Variants in NBPF11 observed in about 807,000 individuals in gnomAD.
NBPF11 encodes NBPF member 11.
A neutral mutation model predicts 93.9 loss-of-function variants in NBPF11; 72 were observed. The observed-to-expected ratio is 0.77, with a 90% CI of 0.63 to 0.93. NBPF11 has a LOEUF of 0.93. Among genes scored for constraint, NBPF11 ranks in the 40% least tolerant of loss-of-function variants. NBPF11 has a pLI of 0.00. For missense variants in NBPF11, 705 were observed against 802.2 expected (o/e 0.88, Z 1.46); for synonymous variants, 224 against 304.9 (o/e 0.73, Z 2.76).
At position 148,118,639 on chromosome 1, in the gene NBPF11, T is replaced by C; in HGVS notation, c.1072A>G (p.Lys358Glu). The change falls in exon 11 of 24, where the codon AAG (lysine) becomes GAG (glutamate). Residue 358 changes from lysine to glutamate, a missense_variant. Coordinates refer to ENST00000682118, the MANE Select transcript of NBPF11 (RefSeq NM_001385469.3). ...CCTCACCTGAGCTCCTCAGCTTGCTTCAGCTGCTCTGCAAGCTTCTCCTCC... is the reference window on the plus strand; with the variant it reads ...CCTCACCTGAGCTCCTCAGCTTGCTCCAGCTGCTCTGCAAGCTTCTCCTCC... Reference protein sequence around the residue: ...FKEEKLAEQLKQAEELRQYKV... With the variant: ...FKEEKLAEQLEQAEELRQYKV... 1 of 1,612,810 alleles carries C rather than the reference T, an allele frequency of 6.2e-7. No homozygotes were observed.
At chr1:148,147,695 C>T (rs1279738929) in intron 1 of NBPF11, among the ~76,000 whole-genome samples, 1 of 151,940 alleles carries the variant, frequency 6.6e-6, no homozygotes, top group East Asian at 1.9e-4. Flanking sequence ...GAGGTGGGGT[C>T]GTCGTTGCCT....
intron 1 of NBPF11, among the ~76,000 whole-genome samples, chr1:148,150,937 C>T (rs1648149019): frequency 1.3e-5 from 2 of 151,812 alleles, no homozygotes; most frequent in African/African-American, 4.9e-5. Context: ...CTGTGTTAGC[C>T]AGGATGGTCT....
chr1:148,147,801 C>T (rs1673434557), intron 1 of NBPF11, among the ~76,000 whole-genome samples: 1 of 152,120 alleles, frequency 6.6e-6, no homozygotes, highest in Non-Finnish European at 1.5e-5. Context: ...GGGACGCTGA[C>T]ACCAATCACC....
At chr1:148,112,357 T>C (rs1235280777) in intron 15 of NBPF11, among the ~76,000 whole-genome samples, 5 of 132,470 alleles carry the variant, frequency 3.8e-5, no homozygotes, top group Non-Finnish European at 7.8e-5. Context: ...CCTGTGTCCA[T>C]GTGTTCTCAT....
chr1:148,105,745 C>CAA (rs1190644076), intron 21 of NBPF11, among the ~76,000 whole-genome samples: 2 of 97,028 alleles, frequency 2.1e-5, no homozygotes, highest in African/African-American at 1.3e-4. Context: ...CACACACACA[C>CAA]AAACACACAC....
chr1:148,151,231 G>A (rs1166155957), intron 1 of NBPF11, among the ~76,000 whole-genome samples: 118 of 152,086 alleles, frequency 7.8e-4, no homozygotes, highest in Non-Finnish European at 1.0e-3. Context: ...GTCATGAGAT[G>A]ATTCAGTGAT....
At chr1:148,122,897 G>A (rs587639920) in intron 7 of NBPF11, 96 bp from the exon 8 acceptor site, 1 of 1,600,278 alleles carries the variant, frequency 6.2e-7, no homozygotes, top group East Asian at 2.2e-5. Context: ...TCTATGTATG[G>A]TTCAGCATTG....
At position 148,103,167 on chromosome 1, in the gene NBPF11, G is replaced by C. The variant is rs1662692751; in HGVS notation, c.*729C>G. 5.0e-6 allele frequency: 1 copy of C among 198,678 alleles called. No homozygotes were observed. The highest frequency in any genetic ancestry group is 1.0e-5 in the Non-Finnish European group (1 of 97,658). 12.3% of individuals were successfully genotyped at this position (198,678 alleles called of 1,614,324 possible). Reference sequence around the variant, plus strand: ...AGCCTAGCGGGTTAACAATTGTCAAGAGCAGTTGGTGGTTCTGAAATACAA... The same window carrying C: ...AGCCTAGCGGGTTAACAATTGTCAACAGCAGTTGGTGGTTCTGAAATACAA... On this transcript the variant is annotated 3_prime_UTR_variant, in exon 24 of 24. Coordinates refer to ENST00000682118, the MANE Select transcript of NBPF11 (RefSeq NM_001385469.3).
At chr1:148,113,318 T>A (rs1211105890) in intron 15 of NBPF11, among the ~76,000 whole-genome samples, 1 of 151,806 alleles carries the variant, frequency 6.6e-6, no homozygotes, top group Non-Finnish European at 1.5e-5. Flanking sequence ...GGGGTTGCAA[T>A]CCTAGTCTCT....
At position 148,126,969 on chromosome 1, in the gene NBPF11, T is replaced by G; in HGVS notation, c.35A>C (p.Lys12Thr). The change falls in exon 5 of 24, where the codon AAG becomes ACG. Residue 12 changes from lysine (K) to threonine (T), a missense_variant. This residue lies in a region of NBPF11 where 128 missense variants were observed against 112.8 expected (regional missense o/e 1.14). Transcript: ENST00000682118. ...VVSAGPWSSE[K>T]AEMNILEINE... ...GATTTCTAGAATGTTCATCTCTGCC[T>G]TCTCGCTGGACCAAGGGCCGGCTGA... The G allele has an allele frequency of 1.2e-6, 1 of 824,692 alleles. No homozygotes were observed. The allele number at this position is 824,692 out of a possible 1,614,324, so 51.1% of individuals were successfully genotyped here. A position where few individuals can be genotyped will look rare whatever the true frequency, so the allele number is the denominator to read the frequency against.
intron 15 of NBPF11, among the ~76,000 whole-genome samples, chr1:148,113,423 T>C (rs1313184758): frequency 2.0e-5 from 3 of 150,182 alleles, no homozygotes; most frequent in Non-Finnish European, 1.5e-5. Flanking sequence ...GAGTTAACTA[T>C]CCTAAATATA....
Position 148,124,461 on chromosome 1 carries a change from G to A in NBPF11, c.279-394C>T, listed in dbSNP as rs1301765519. 1.4e-3 allele frequency among the ~76,000 whole-genome samples: 209 copies of A among 149,402 alleles called. 1 individual carries two copies. The highest frequency in any genetic ancestry group is 4.9e-3 in the African/African-American group (198 of 40,028). On this transcript the variant is annotated intron_variant, in intron 6 of 23. Coordinates refer to ENST00000682118, the MANE Select transcript of NBPF11 (RefSeq NM_001385469.3). ...TACAGAAATGAGGCCAGGTGCAGAT[G>A]GGGCGAATTGAAAAGACGAAAGAAG...
chr1:148,104,025 C>A (rs1662927096), intron 23 of NBPF11, 113 bp from the exon 24 acceptor site: 1 of 1,601,376 alleles, frequency 6.2e-7, no homozygotes, highest in Non-Finnish European at 8.5e-7. Flanking sequence ...AAGGACAGAT[C>A]CATTAATGAG....
rs1454353759 is a variant in NBPF11 at position 148,118,690 on chromosome 1, T to G, written c.1021A>C (p.Met341Leu). 1.7e-5 allele frequency: 28 copies of G among 1,612,984 alleles called. No individual in the cohort carries two copies. Among genetic ancestry groups the G allele is most frequent in the African/African-American group, 2.7e-5 (2 of 74,634 alleles). The change falls in exon 11 of 24, where the codon ATG (methionine) becomes CTG (leucine). Residue 341 changes from methionine (M) to leucine (L), a missense_variant. By Grantham distance (15) the Met-to-Leu change is conservative (BLOSUM62 2). Coordinates refer to ENST00000682118, the MANE Select transcript of NBPF11 (RefSeq NM_001385469.3). ...TTGAACTGTCGCTCATTCCTCAGCA[T>G]AGATTTTATGAGGTCTTTGCACTCT... ...YEECKDLIKS[M>L]LRNERQFKEE...
chr1:148,108,834 AAGAG>A lies in NBPF11; in HGVS notation c.1854-184_1854-181del, dbSNP rs1174829924. The stretch of plus-strand genomic sequence containing the variant: ...ACTAGGGCCAGGTAGAAAAGGATGA[AAGAG>A]AAAGACACACACACACACACACACA... On this transcript the variant is annotated intron_variant, in intron 17 of 23. Transcript: ENST00000682118. Among the ~76,000 whole-genome samples, 263 of 115,446 alleles carry A rather than the reference AAGAG, an allele frequency of 2.3e-3. 1 individual carries two copies. The highest frequency in any genetic ancestry group is 8.2e-3 in the African/African-American group (252 of 30,634). The allele number at this position is 115,446 out of a possible 152,430, so 75.7% of individuals were successfully genotyped here.
In NBPF11 at chr1:148,146,587, C is replaced by A. The variant is rs1273491756; in HGVS notation, c.-548-2901G>T. 6 of 1,608,486 alleles carry A rather than the reference C, an allele frequency of 3.7e-6. No individual in the cohort carries two copies. In the African/African-American group the frequency reaches 4.0e-5, roughly 11 times the overall value. On this transcript the variant is annotated intron_variant, in intron 1 of 23. Transcript: ENST00000682118. Reference sequence around the variant, plus strand: ...GAGAGCCTCCTCGGGCGCACCCGGGCGCTGGAAGCTGCACCTGACGGAGCG... The same window carrying A: ...GAGAGCCTCCTCGGGCGCACCCGGGAGCTGGAAGCTGCACCTGACGGAGCG...
At chr1:148,149,605 C>G in intron 1 of NBPF11, 1 of 1,572,048 alleles carries the variant, frequency 6.4e-7, no homozygotes, top group Non-Finnish European at 8.6e-7. Context: ...AATAAGGCGG[C>G]CCCCGGACCT....
chr1:148,149,623 C>A (rs1174004926), intron 1 of NBPF11: 1 of 1,506,666 alleles, frequency 6.6e-7, no homozygotes, highest in Non-Finnish European at 9.0e-7. Flanking sequence ...CCTCACCCCG[C>A]GCCGGCCCCC....
intron 23 of NBPF11, 135 bp from the exon 24 acceptor site, chr1:148,104,047 T>C (rs1662931152): frequency 4.4e-6 from 7 of 1,577,374 alleles, no homozygotes; most frequent in Middle Eastern, 2.3e-4. Context: ...TAACAAATTA[T>C]TGCCTTTATG....
Sources: gnomAD v4.1 joint callset for allele counts (sites outside exome capture counted in the v4.1 genomes callset) on GRCh38, gnomAD v4.1.1 for gene constraint, gnomAD v4.1.1 regional missense constraint, MANE v1.5 for transcripts, NCBI Gene and HGNC (gene_info 2026-07-23, HGNC 2026-07-21) for gene names.